Variants in CXXC1 observed in about 807,000 individuals in gnomAD.
CXXC1 encodes the protein CXXC-type zinc finger protein 1.
Under a neutral mutation model 83.6 loss-of-function variants are expected in CXXC1, and 21 were observed. That is an observed-to-expected ratio of 0.25 (90% CI 0.18 to 0.36). The LOEUF is 0.36. Among genes scored for constraint, CXXC1 ranks in the 10% least tolerant of loss-of-function variants. The pLI, the probability that CXXC1 is intolerant of heterozygous loss-of-function variation, is 1.00. For synonymous variants in CXXC1, 371 were observed against 337.5 expected (o/e 1.10, Z -1.09); for missense variants, 688 against 919.5 (o/e 0.75, Z 3.26).
At position 50,285,618 on chromosome 18, in the gene CXXC1, G is replaced by A. The variant is rs1474909115; in HGVS notation, c.639+131C>T. On this transcript the variant is annotated intron_variant, in intron 5 of 14. Coordinates refer to ENST00000285106, the MANE Select transcript of CXXC1 (RefSeq NM_014593.4). This position sits in a 1 kb window ranked among gnomAD's most constrained non-coding sequence, Gnocchi z 4.4. ...TGCCCCATTCATCTGGACATGACAGGCCCCTTCCCACCTGTCAGGATACAG... is the reference window on the plus strand; with the variant it reads ...TGCCCCATTCATCTGGACATGACAGACCCCTTCCCACCTGTCAGGATACAG... 3 of 1,216,042 alleles carry A rather than the reference G, an allele frequency of 2.5e-6. No homozygotes were observed. The highest frequency in any genetic ancestry group is 3.5e-6 in the Non-Finnish European group (3 of 860,908). The allele number at this position is 1,216,042 out of a possible 1,614,324, so 75.3% of individuals were successfully genotyped here.
intron 3 of CXXC1, 67 bp downstream of exon 3, chr18:50,286,472 C>T: frequency 1.5e-6 from 2 of 1,345,944 alleles, no homozygotes; most frequent in Non-Finnish European, 2.1e-6. Flanking sequence ...CCCCATAACC[C>T]CCCCTTGTGG....
chr18:50,284,295 T>G (rs998353394), intron 9 of CXXC1, 83 bp downstream of exon 9: 43 of 1,520,194 alleles, frequency 2.8e-5, no homozygotes, highest in Non-Finnish European at 3.7e-5. Context: ...GGATAGCTGA[T>G]TGACTGGTAG....
chr18:50,287,618 AC>A lies in CXXC1; in HGVS notation c.-30del. On this transcript the variant is annotated 5_prime_UTR_variant, in exon 1 of 15. Coordinates refer to ENST00000285106, the MANE Select transcript of CXXC1 (RefSeq NM_014593.4). The stretch of plus-strand genomic sequence containing the variant: ...TCCGCTCCCGGCGCACTCCCTCACG[AC>A]CCCCGCCAGCGACCCGCGAACCTGC... 6.2e-7 allele frequency: 1 copy of A among 1,606,802 alleles called. No individual in the cohort carries two copies.
chr18:50,286,000 T>C lies in CXXC1; in HGVS notation c.459+22A>G, dbSNP rs200006093. ...GAAACGGAACCACTTTACACATCCA[T>C]TCACTTTATGCAGCCACTCACCTGG... On this transcript the variant is annotated intron_variant, in intron 4 of 14. Coordinates refer to ENST00000285106, the MANE Select transcript of CXXC1 (RefSeq NM_014593.4). This position sits in a 1 kb window ranked among gnomAD's most constrained non-coding sequence, Gnocchi z 4.4. 48 of 1,613,840 alleles carry C rather than the reference T, an allele frequency of 3.0e-5. No homozygotes were observed. In the African/African-American group the frequency reaches 5.9e-4, roughly 20 times the overall value.
chr18:50,282,371 C>G lies in CXXC1; in HGVS notation c.*222G>C, dbSNP rs75089807. 1.4e-4 allele frequency: 84 copies of G among 590,080 alleles called. No homozygotes were observed. Among genetic ancestry groups the G allele is most frequent in the African/African-American group, 1.4e-3 (74 of 54,208 alleles). 36.6% of individuals were successfully genotyped at this position (590,080 alleles called of 1,614,324 possible). A position where few individuals can be genotyped will look rare whatever the true frequency, so the allele number is the denominator to read the frequency against. On this transcript the variant is annotated 3_prime_UTR_variant, in exon 15 of 15. Transcript: ENST00000285106. The surrounding 1 kb of genome is among the most constrained non-coding windows in gnomAD (Gnocchi z 5.8). ...CTTGGTTTCTTCAAAATTTTATTAA[C>G]AAAACCCAGGGAGAGGAGGCAAGGA...
chr18:50,282,770 G>C lies in CXXC1; in HGVS notation c.1825-31C>G, dbSNP rs2149269352. On this transcript the variant is annotated intron_variant, in intron 14 of 14. Coordinates refer to ENST00000285106, the MANE Select transcript of CXXC1 (RefSeq NM_014593.4). The surrounding 1 kb of genome is among the most constrained non-coding windows in gnomAD (Gnocchi z 5.8). ...AAGGGAGCGGCAGGAGTCCTAAGCAGGAACACCTGCAGCCCCGCCTGCCCC... is the reference window on the plus strand; with the variant it reads ...AAGGGAGCGGCAGGAGTCCTAAGCACGAACACCTGCAGCCCCGCCTGCCCC... 1.9e-6 allele frequency: 3 copies of C among 1,611,826 alleles called. No homozygotes were observed. In the East Asian group the frequency reaches 6.7e-5, roughly 36 times the overall value.
chr18:50,285,513 T>C lies in CXXC1; in HGVS notation c.640-162A>G. The C allele has an allele frequency of 1.0e-6, 1 of 1,004,896 alleles. No homozygotes were observed. Among genetic ancestry groups the C allele is most frequent in the Non-Finnish European group, 1.4e-6 (1 of 692,884 alleles). The allele number at this position is 1,004,896 out of a possible 1,614,324, so 62.2% of individuals were successfully genotyped here. Reference sequence around the variant, plus strand: ...CCTGCCTGATCTGTACCAACATGCATGACCACCTGAAAACACCTGGCCCCA... The same window carrying C: ...CCTGCCTGATCTGTACCAACATGCACGACCACCTGAAAACACCTGGCCCCA... On this transcript the variant is annotated intron_variant, in intron 5 of 14. Transcript: ENST00000285106. This position sits in a 1 kb window ranked among gnomAD's most constrained non-coding sequence, Gnocchi z 4.4.
At chr18:50,283,030 G>A (rs756441694) in intron 13 of CXXC1, 24 bp from the exon 14 acceptor site, 3 of 1,612,604 alleles carry the variant, frequency 1.9e-6, no homozygotes, top group Middle Eastern at 1.6e-4. Context: ...AGGTTGGGGG[G>A]ATGAATAGCG....
chr18:50,284,199 C>T (rs894275023), intron 9 of CXXC1, 98 bp from the exon 10 acceptor site: 19 of 1,466,714 alleles, frequency 1.3e-5, no homozygotes, highest in Non-Finnish European at 1.8e-5. Context: ...AAATAGGTGA[C>T]TGGCGGAATG....
Position 50,287,608 on chromosome 18 carries a change from C to A in CXXC1, c.-19G>T. 3 of 1,610,824 alleles carry A rather than the reference C, an allele frequency of 1.9e-6. No homozygotes were observed. On this transcript the variant is annotated 5_prime_UTR_variant, in exon 1 of 15. Transcript: ENST00000285106. ...TTACCATATCTCCGCTCCCGGCGCA[C>A]TCCCTCACGACCCCCGCCAGCGACC...
At chr18:50,287,077 C>T (rs2040726535) in intron 1 of CXXC1, 1 of 577,456 alleles carries the variant, frequency 1.7e-6, no homozygotes, top group Non-Finnish European at 3.1e-6. Flanking sequence ...CACCCACCGA[C>T]ACCCGCTCCC....
In CXXC1 at chr18:50,285,708, C is replaced by G; in HGVS notation, c.639+41G>C. 1 of 1,601,434 alleles carries G rather than the reference C, an allele frequency of 6.2e-7. No individual in the cohort carries two copies. On this transcript the variant is annotated intron_variant, in intron 5 of 14. Coordinates refer to ENST00000285106, the MANE Select transcript of CXXC1 (RefSeq NM_014593.4). The surrounding 1 kb of genome is among the most constrained non-coding windows in gnomAD (Gnocchi z 4.4). ...AACTAACCATGCATGGACCCACCAG[C>G]TCTCCCACACCTGACCCTACCCAGC... is the stretch of plus-strand genomic sequence containing the variant.
rs775410124 is a variant in CXXC1 at position 50,284,091 on chromosome 18, C to T, written c.1216G>A (p.Glu406Lys). 6.2e-7 allele frequency: 1 copy of T among 1,604,864 alleles called. No homozygotes were observed. The highest frequency in any genetic ancestry group is 8.5e-7 in the Non-Finnish European group (1 of 1,177,174). Residue 406 changes from glutamate (E) to lysine (K), a missense_variant, in exon 10 of 15, where the codon GAG becomes AAG. By Grantham distance (56) the Glu-to-Lys change is moderately conservative (BLOSUM62 1). Coordinates refer to ENST00000285106, the MANE Select transcript of CXXC1 (RefSeq NM_014593.4). ...TGCTGGATGCGCTGGGGGAGGATCT[C>T]GTAGATGCGGCTGCAGGGAAGGTAG... ...GMKLAANRIY[E>K]ILPQRIQQWQ...
intron 3 of CXXC1, 79 bp from the exon 4 acceptor site, chr18:50,286,336 G>A (rs145529958): frequency 1.3e-5 from 18 of 1,347,912 alleles, no homozygotes; most frequent in Middle Eastern, 1.9e-4. Flanking sequence ...CTTCCTCTTC[G>A]CTCCCTTACT....
rs1200174850 is a variant in CXXC1, at chr18:50,283,320, T to G, written c.1616A>C (p.Lys539Thr). 6.2e-7 allele frequency: 1 copy of G among 1,613,920 alleles called. No individual in the cohort carries two copies. The highest frequency in any genetic ancestry group is 8.5e-7 in the Non-Finnish European group (1 of 1,180,000). The change falls in exon 13 of 15, where the codon AAA becomes ACA. Residue 539 changes from lysine to threonine, a missense_variant. This residue lies in a region of CXXC1 where 114 missense variants were observed against 173.3 expected (regional missense o/e 0.66). Coordinates refer to ENST00000285106, the MANE Select transcript of CXXC1 (RefSeq NM_014593.4). ...CACCTGGAGCCGCTTACAGTATGTT[T>G]TGCTCTGAGGATTATACACATCACA... Reference protein sequence around the residue: ...LFCDVYNPQSKTYCKRLQVLC... With the variant: ...LFCDVYNPQSTTYCKRLQVLC...
chr18:50,286,474 C>A (rs2040716419), intron 3 of CXXC1, 65 bp downstream of exon 3: 9 of 1,359,010 alleles, frequency 6.6e-6, no homozygotes, highest in Non-Finnish European at 8.4e-6. Context: ...CCATAACCCC[C>A]CCTTGTGGCT....
intron 9 of CXXC1, 94 bp downstream of exon 9, chr18:50,284,284 T>G (rs1227448389): frequency 5.3e-6 from 8 of 1,516,604 alleles, no homozygotes; most frequent in Non-Finnish European, 7.1e-6. Context: ...TGGTGACTGG[T>G]GGATAGCTGA....
chr18:50,285,031 A>AGG lies in CXXC1; in HGVS notation c.882_883insCC (p.Cys295ProfsTer14). The AGG allele has an allele frequency of 6.2e-7, 1 of 1,614,256 alleles. No homozygotes were observed. Among genetic ancestry groups the AGG allele is most frequent in the Non-Finnish European group, 8.5e-7 (1 of 1,180,038 alleles). On this transcript the variant is annotated frameshift_variant, in exon 7 of 15. Coordinates refer to ENST00000285106, the MANE Select transcript of CXXC1 (RefSeq NM_014593.4). LOFTEE classifies it high-confidence loss of function. This position sits in a 1 kb window ranked among gnomAD's most constrained non-coding sequence, Gnocchi z 4.4. ...CCATGGTCATCAAAGGCCCCTGCACAGAAGTCCTGATACAGGTCAGGATCC... is the reference window on the plus strand; with the variant it reads ...CCATGGTCATCAAAGGCCCCTGCACAGGGAAGTCCTGATACAGGTCAGGATCC...
At chr18:50,284,867 C>G (rs1189470608) in intron 7 of CXXC1, 28 bp from the exon 8 acceptor site, 2 of 1,613,776 alleles carry the variant, frequency 1.2e-6, no homozygotes, top group Admixed American at 1.7e-5. Context: ...ACTGACCCAC[C>G]TGCCCCGCTC....
Sources: allele counts gnomAD v4.1 joint callset, GRCh38; gene constraint gnomAD v4.1.1; regional missense constraint gnomAD v4.1.1; non-coding constraint Gnocchi (gnomAD v3.1); transcripts MANE v1.5; gene names NCBI Gene and HGNC (gene_info 2026-07-23, HGNC 2026-07-21).